The following EVI5 variants were observed in gnomAD, a reference collection of about 807,000 sequenced individuals.
The protein encoded by EVI5 is ecotropic viral integration site 5, also known as ecotropic viral integration site 5 protein homolog.
A neutral mutation model predicts 112.0 loss-of-function variants in EVI5; 73 were observed. The observed-to-expected ratio is 0.65, with a 90% CI of 0.54 to 0.79. The LOEUF is 0.79. EVI5 is among the 30% of genes least tolerant of loss of function. The pLI is 0.00. For synonymous variants in EVI5, 305 were observed against 319.9 expected (o/e 0.95, Z 0.50); for missense variants, 900 against 968.8 (o/e 0.93, Z 0.94).
In EVI5 at chr1:92,513,800, A is replaced by G; in HGVS notation, c.2337T>C (p.Ser779=). The change falls in exon 20 of 20, where the codon TCT becomes TCC. Residue 779 remains serine (S), a synonymous_variant. Coordinates refer to ENST00000684568, the MANE Select transcript of EVI5 (RefSeq NM_001350197.2). ...CTGCGGGGTCCAAAGACATCGAACC[A>G]GATTTTCCGTGCAAAGGAAAACCAA... The part of the protein sequence containing the change: ...TGVGFPLHGK[S]GSMSLDPAVA... 1 of 1,613,928 alleles carries G rather than the reference A, an allele frequency of 6.2e-7. No homozygotes were observed. Among genetic ancestry groups the G allele is most frequent in the Non-Finnish European group, 8.5e-7 (1 of 1,179,962 alleles).
chr1:92,529,127 T>C (rs1403370500), intron 19 of EVI5, among the ~76,000 whole-genome samples: 4 of 152,234 alleles, frequency 2.6e-5, no homozygotes, highest in African/African-American at 9.6e-5. Context: ...TGTTAGACCA[T>C]TAGCCTAACA....
At chr1:92,733,834 A>C (rs187156473) in intron 2 of EVI5, among the ~76,000 whole-genome samples, 8 of 152,334 alleles carry the variant, frequency 5.3e-5, no homozygotes, top group African/African-American at 1.4e-4. Context: ...TAACAACAAC[A>C]AAGGTGCGTT....
chr1:92,633,477 A>G (rs34227756), intron 14 of EVI5, among the ~76,000 whole-genome samples: 5 of 152,214 alleles, frequency 3.3e-5, no homozygotes, highest in Non-Finnish European at 5.9e-5. Flanking sequence ...CTGTTTTATC[A>G]GAGACTAGGA....
At chr1:92,517,573 G>A (rs1004624109) in intron 19 of EVI5, among the ~76,000 whole-genome samples, 8 of 152,230 alleles carry the variant, frequency 5.3e-5, no homozygotes, top group African/African-American at 1.9e-4. Context: ...TCTGACTAGT[G>A]TCTGGTATGT....
At chr1:92,780,854 T>A (rs921101693) in intron 1 of EVI5, among the ~76,000 whole-genome samples, 41 of 124,730 alleles carry the variant, frequency 3.3e-4, no homozygotes, top group African/African-American at 1.9e-3. Context: ...AAAAGTAAAT[T>A]TTTTTTTTTT....
At chr1:92,751,149 C>T (rs1558200746) in intron 1 of EVI5, among the ~76,000 whole-genome samples, 1 of 151,278 alleles carries the variant, frequency 6.6e-6, no homozygotes, top group East Asian at 1.9e-4. Context: ...GACTCCCTCT[C>T]AAAAAAAATA....
intron 16 of EVI5, among the ~76,000 whole-genome samples, chr1:92,621,191 CA>C (rs1553208702): frequency 6.6e-6 from 1 of 151,978 alleles, no homozygotes; most frequent in Non-Finnish European, 1.5e-5. Context: ...AACAAAGAAA[CA>C]AAGAACAGAT....
At chr1:92,656,962 A>T (rs2102112433) in intron 13 of EVI5, among the ~76,000 whole-genome samples, 1 of 152,312 alleles carries the variant, frequency 6.6e-6, no homozygotes, top group Non-Finnish European at 1.5e-5. Flanking sequence ...ACATACAATG[A>T]AGAACTAGTA....
At chr1:92,702,765 C>T (rs1014517335) in intron 4 of EVI5, among the ~76,000 whole-genome samples, 4 of 149,804 alleles carry the variant, frequency 2.7e-5, no homozygotes, top group South Asian at 2.1e-4. Context: ...GAGATCACAC[C>T]GCTGCACTCC....
intron 2 of EVI5, among the ~76,000 whole-genome samples, chr1:92,708,294 T>C (rs969532792): frequency 1.3e-5 from 2 of 151,406 alleles, no homozygotes; most frequent in African/African-American, 2.4e-5. Context: ...AAATCAACAA[T>C]AACGTGATTT....
intron 1 of EVI5, among the ~76,000 whole-genome samples, chr1:92,748,456 A>T (rs1295564881): frequency 6.6e-6 from 1 of 152,224 alleles, no homozygotes; most frequent in African/African-American, 2.4e-5. Flanking sequence ...CCTCTTCATA[A>T]TCCTCTGTCT....
chr1:92,608,650 G>A (rs191982150), intron 16 of EVI5, among the ~76,000 whole-genome samples: 12 of 151,858 alleles, frequency 7.9e-5, no homozygotes, highest in Admixed American at 7.9e-4. Flanking sequence ...GTTGCAGTGA[G>A]CTGAGATCAC....
chr1:92,744,933 G>A (rs1679035020), intron 1 of EVI5, among the ~76,000 whole-genome samples: 1 of 151,794 alleles, frequency 6.6e-6, no homozygotes. Context: ...TGACTAGTCA[G>A]GAATCGTTTT....
chr1:92,620,070 C>T (rs188780426), intron 16 of EVI5, among the ~76,000 whole-genome samples: 14 of 152,180 alleles, frequency 9.2e-5, no homozygotes, highest in African/African-American at 2.6e-4. Context: ...AAGGGCCGGG[C>T]GTGCTGGCTC....
chr1:92,712,963 T>A (rs1673064324), intron 2 of EVI5, among the ~76,000 whole-genome samples: 1 of 151,240 alleles, frequency 6.6e-6, no homozygotes. Context: ...ATATATATAT[T>A]AAGATATATC....
Position 92,684,921 on chromosome 1 carries a change from T to C in EVI5, c.1098-7703A>G, listed in dbSNP as rs551710385. Reference sequence around the variant, plus strand: ...TTCATAAAGCAAGTCCTGAGAGACCTACAAAGAGACTTAGACTCCTACACA... The same window carrying C: ...TTCATAAAGCAAGTCCTGAGAGACCCACAAAGAGACTTAGACTCCTACACA... On this transcript the variant is annotated intron_variant, in intron 9 of 19. Coordinates refer to ENST00000684568, the MANE Select transcript of EVI5 (RefSeq NM_001350197.2). 5.7e-4 allele frequency among the ~76,000 whole-genome samples: 87 copies of C among 152,122 alleles called. 1 individual carries two copies. Among genetic ancestry groups the C allele is most frequent in the African/African-American group, 2.0e-3 (83 of 41,490 alleles).
chr1:92,712,486 T>C (rs918992922), intron 2 of EVI5, among the ~76,000 whole-genome samples: 2 of 152,174 alleles, frequency 1.3e-5, no homozygotes, highest in African/African-American at 4.8e-5. Flanking sequence ...AGTCTTAAGA[T>C]TTCTTAATTT....
chr1:92,786,825 C>T (rs1685676300), upstream of EVI5, among the ~76,000 whole-genome samples: 1 of 152,236 alleles, frequency 6.6e-6, no homozygotes, highest in South Asian at 2.1e-4. Context: ...TCCACCTCTT[C>T]TCACTGCTCA....
intron 19 of EVI5, among the ~76,000 whole-genome samples, chr1:92,517,596 G>A (rs767371811): frequency 1.3e-5 from 2 of 152,182 alleles, no homozygotes; most frequent in Non-Finnish European, 2.9e-5. Flanking sequence ...AAATGGATGC[G>A]ATCTTTCCAG....
Sources: gnomAD v4.1 joint callset for allele counts (sites outside exome capture counted in the v4.1 genomes callset) on GRCh38, gnomAD v4.1.1 for gene constraint, MANE v1.5 for transcripts, NCBI Gene and HGNC (gene_info 2026-07-23, HGNC 2026-07-21) for gene names.